Variants in CHM observed in about 807,000 individuals in gnomAD.
The protein encoded by CHM is CHM Rab escort protein, also known as rab proteins geranylgeranyltransferase component A 1.
CHM carries 10 observed loss-of-function variants against 49.0 expected under a neutral mutation model. That is an observed-to-expected ratio of 0.20 (90% CI 0.13 to 0.35). CHM has a LOEUF of 0.35. CHM is among the 10% of genes least tolerant of loss of function. The probability of loss-of-function intolerance (pLI) is 1.00; values close to 1 mark genes in which losing one functional copy is unlikely to be tolerated. For missense variants in CHM, 455 were observed against 478.4 expected (o/e 0.95, Z 0.46); for synonymous variants, 184 against 167.5 (o/e 1.10, Z -0.76).
chrX:85,957,059 C>T (rs939750780), intron 7 of CHM, among the ~76,000 whole-genome samples: 2 of 111,960 alleles, frequency 1.8e-5, no homozygotes, highest in African/African-American at 6.5e-5. Context: ...TTGAATTTTA[C>T]ACAGCCACTG....
Position 85,956,389 on chromosome X carries a change from A to T in CHM, c.941-11T>A. ...TGATCTCTTCATATCCTATGAAAAG[A>T]TGAAATTTTATCACTTAAAATCAGA... On this transcript the variant is annotated splice_polypyrimidine_tract_variant and intron_variant, in intron 7 of 14. Coordinates refer to ENST00000357749, the MANE Select transcript of CHM (RefSeq NM_000390.4). The T allele has an allele frequency of 1.2e-5, 15 of 1,200,168 alleles. No homozygotes were observed. The highest frequency in any genetic ancestry group is 1.7e-5 in the Non-Finnish European group (15 of 888,603).
chrX:86,031,725 A>G (rs1233092836), intron 1 of CHM, among the ~76,000 whole-genome samples: 1 of 99,687 alleles, frequency 1.0e-5, no homozygotes, highest in Non-Finnish European at 2.1e-5. Context: ...CCATAATCCC[A>G]GCTACTCGGG....
At position 85,958,895 on chromosome X, in the gene CHM, C is replaced by G; in HGVS notation, c.785G>C (p.Arg262Thr). Residue 262 changes from arginine (R) to threonine (T), a missense_variant, in exon 6 of 15, where the codon AGG becomes ACG. By Grantham distance (71) the Arg-to-Thr change is moderately conservative. Transcript: ENST00000357749. ...TCGTCCTTCTCGAAATGCAAGAATC[C>G]TGGTAATATTTTTAAACTCTGCATA... ...SRYAEFKNITRILAFREGRVE... is the reference protein window; with the variant it reads ...SRYAEFKNITTILAFREGRVE... 2.5e-6 allele frequency: 3 copies of G among 1,211,194 alleles called. No homozygotes were observed. The highest frequency in any genetic ancestry group is 2.2e-6 in the Non-Finnish European group (2 of 895,272).
chrX:85,958,912 C>T lies in CHM; in HGVS notation c.768G>A (p.Glu256=). The T allele has an allele frequency of 8.3e-7, 1 of 1,211,382 alleles. No homozygotes were observed. Among genetic ancestry groups the T allele is most frequent in the Non-Finnish European group, 1.1e-6 (1 of 895,347 alleles). Residue 256 remains glutamate, a synonymous_variant, in exon 6 of 15, where the codon GAG becomes GAA. Transcript: ENST00000357749. ...LIKSNVSRYA[E]FKNITRILAF... ...CAAGAATCCTGGTAATATTTTTAAA[C>T]TCTGCATATCGACTAACATTAGATT... is the stretch of plus-strand genomic sequence containing the variant.
At chrX:85,891,752 T>G (rs1334513073) in intron 12 of CHM, among the ~76,000 whole-genome samples, 1 of 112,128 alleles carries the variant, frequency 8.9e-6, no homozygotes, top group Admixed American at 9.4e-5. Flanking sequence ...CACTGCCTAG[T>G]GGAGCTGTGA....
chrX:85,960,332 A>G (rs771069957), intron 5 of CHM, among the ~76,000 whole-genome samples: 47 of 111,831 alleles, frequency 4.2e-4, no homozygotes, highest in Non-Finnish European at 8.1e-4. Context: ...AAGATATCAC[A>G]AGAACAAAAA....
intron 11 of CHM, among the ~76,000 whole-genome samples, chrX:85,897,037 TAAC>T (rs1232576238): frequency 1.1e-5 from 1 of 95,028 alleles, no homozygotes; most frequent in Admixed American, 1.3e-4. Context: ...AATTATATAA[TAAC>T]ATAATATATA....
intron 6 of CHM, 119 bp downstream of exon 6, chrX:85,958,742 C>T (rs773232092): frequency 5.4e-5 from 59 of 1,085,279 alleles, no homozygotes; most frequent in Non-Finnish European, 6.7e-5. Flanking sequence ...TAAATCACCA[C>T]GGAGGACTGG....
intron 8 of CHM, among the ~76,000 whole-genome samples, chrX:85,950,830 A>C (rs896358219): frequency 5.4e-5 from 6 of 111,791 alleles, no homozygotes; most frequent in Non-Finnish European, 1.1e-4. Flanking sequence ...TCACTGTAGT[A>C]AAAATATAGA....
At chrX:85,873,258 T>G in intron 13 of CHM, 46 bp from the exon 14 acceptor site, 1 of 945,342 alleles carries the variant, frequency 1.1e-6, no homozygotes, top group South Asian at 2.2e-5. Flanking sequence ...ATACAATATG[T>G]TTGTCAATTA....
intron 14 of CHM, among the ~76,000 whole-genome samples, chrX:85,866,896 C>T (rs754424716): frequency 6.2e-5 from 7 of 113,025 alleles, no homozygotes; most frequent in African/African-American, 2.2e-4. Flanking sequence ...TATACCCCAT[C>T]GTATCTTGGA....
intron 2 of CHM, among the ~76,000 whole-genome samples, chrX:86,001,991 C>T (rs1430020829): frequency 9.0e-6 from 1 of 111,306 alleles, no homozygotes; most frequent in Non-Finnish European, 1.9e-5. Context: ...ACCACTACCT[C>T]TCTACCGAAT....
chrX:86,020,693 AT>A (rs1933501967), intron 2 of CHM, among the ~76,000 whole-genome samples: 1 of 99,709 alleles, frequency 1.0e-5, no homozygotes, highest in Non-Finnish European at 2.1e-5. Context: ...TATACATCTG[AT>A]ATATACATCT....
chrX:85,934,082 G>A (rs914447969), intron 8 of CHM, among the ~76,000 whole-genome samples: 3 of 107,636 alleles, frequency 2.8e-5, no homozygotes, highest in Non-Finnish European at 5.8e-5. Flanking sequence ...CTGGGTTCAC[G>A]CCATTCTCCT....
chrX:85,870,980 C>T (rs1924019692), intron 14 of CHM, among the ~76,000 whole-genome samples: 1 of 110,452 alleles, frequency 9.1e-6, no homozygotes, highest in Admixed American at 9.6e-5. Flanking sequence ...TGTAAACCTG[C>T]CAACTGGTAA....
At chrX:86,017,007 T>G (rs757829280) in intron 2 of CHM, among the ~76,000 whole-genome samples, 4 of 112,517 alleles carry the variant, frequency 3.6e-5, no homozygotes, top group Non-Finnish European at 5.6e-5. Flanking sequence ...TCAAAGGAGA[T>G]CATTCTGGAG....
At position 85,894,650 on chromosome X, in the gene CHM, T is replaced by G. The variant is rs191002855; in HGVS notation, c.1414-366A>C. On this transcript the variant is annotated intron_variant, in intron 11 of 14. Coordinates refer to ENST00000357749, the MANE Select transcript of CHM (RefSeq NM_000390.4). Reference sequence around the variant, plus strand: ...GAAATGCTCATTGGAGCATGTTAGATTTTAGATATTCAGATTAGGGACATT... The same window carrying G: ...GAAATGCTCATTGGAGCATGTTAGAGTTTAGATATTCAGATTAGGGACATT... 9.0e-5 allele frequency among the ~76,000 whole-genome samples: 10 copies of G among 111,521 alleles called. No individual in the cohort carries two copies. The East Asian group carries it at 2.8e-3, about 31-fold the overall frequency.
chrX:85,968,756 A>T (rs747821522), intron 4 of CHM, among the ~76,000 whole-genome samples: 1 of 112,336 alleles, frequency 8.9e-6, no homozygotes, highest in South Asian at 3.7e-4. Context: ...TTGTAACTCC[A>T]AATGGAAGGC....
At chrX:85,965,665 A>G (rs1431782790) in intron 4 of CHM, among the ~76,000 whole-genome samples, 1 of 112,076 alleles carries the variant, frequency 8.9e-6, no homozygotes, top group Non-Finnish European at 1.9e-5. Context: ...TTAAGTGAAA[A>G]AAAGAAGTGC....
Sources: gnomAD v4.1 joint callset for allele counts (sites outside exome capture counted in the v4.1 genomes callset) on GRCh38, gnomAD v4.1.1 for gene constraint, MANE v1.5 for transcripts, NCBI Gene and HGNC (gene_info 2026-07-23, HGNC 2026-07-21) for gene names.